The following KDM6B variants were observed in gnomAD, a reference collection of about 807,000 sequenced individuals.
KDM6B encodes lysine-specific demethylase 6B.
KDM6B carries 22 observed loss-of-function variants against 150.4 expected under a neutral mutation model. The observed-to-expected ratio is 0.15, with a 90% CI of 0.10 to 0.21. The LOEUF (loss-of-function observed/expected upper bound fraction) is 0.21, where lower values mean the gene tolerates loss of function less well. Ranked by LOEUF, KDM6B falls within the 10% of genes least tolerant of loss-of-function variation. The pLI is 1.00. For synonymous variants in KDM6B, 1,148 were observed against 921.1 expected (o/e 1.25, Z -4.46); for missense variants, 1,984 against 2,234.3 (o/e 0.89, Z 2.26).
Position 7,853,289 on chromosome 17 carries a change from C to CCCGGCG in KDM6B, c.4821_4826dup (p.Arg1608_Arg1609dup), listed in dbSNP as rs2078740468. 6.2e-7 allele frequency: 1 copy of CCCGGCG among 1,605,546 alleles called. No individual in the cohort carries two copies. The highest frequency in any genetic ancestry group is 1.7e-5 in the Admixed American group (1 of 58,742). ...TACCTGGTACACTGCGAGGGCTGTGCCCGGCGCCGCAGCGCAGGCCTGCAG... is the reference window on the plus strand; with the variant it reads ...TACCTGGTACACTGCGAGGGCTGTGCCCGGCGCCGGCGCCGCAGCGCAGGCCTGCAG... On this transcript the variant is annotated inframe_insertion, in exon 23 of 24. Transcript: ENST00000448097.
rs755750869 is a variant in KDM6B, at chr17:7,850,126, C to T, written c.3622C>T (p.Pro1208Ser). Residue 1208 changes from proline (P) to serine (S), a missense_variant, in exon 14 of 24, where the codon CCT becomes TCT. Physicochemically the swap from Pro to Ser is moderately conservative, Grantham distance 74. Around this residue, in one of 13 missense-constraint regions of KDM6B, gnomAD observed 15 missense variants for 48.7 expected, o/e 0.31. Coordinates refer to ENST00000448097, the MANE Select transcript of KDM6B (RefSeq NM_001348716.2). ...SPVLLQFCTD[P>S]RNPITVIRGL... ...TGTCCTGCTGCAGTTCTGTACAGAC[C>T]CTCGAAATCCCATCACAGTGATCCG... 3.7e-6 allele frequency: 6 copies of T among 1,613,846 alleles called. No homozygotes were observed. The highest frequency in any genetic ancestry group is 1.1e-5 in the South Asian group (1 of 91,082).
chr17:7,842,599 G>T (rs1248590667), intron 2 of KDM6B, among the ~76,000 whole-genome samples: 3 of 152,200 alleles, frequency 2.0e-5, no homozygotes, highest in Non-Finnish European at 4.4e-5. Flanking sequence ...GCGCGAGCTG[G>T]CGGCGACTGG....
In KDM6B at chr17:7,849,097, G is replaced by C. The variant is rs140465920; in HGVS notation, c.2809G>C (p.Asp937His). The C allele has an allele frequency of 3.1e-6, 5 of 1,612,384 alleles. No homozygotes were observed. Among genetic ancestry groups the C allele is most frequent in the Non-Finnish European group, 4.2e-6 (5 of 1,179,878 alleles). ...RVGRSATDPA[D>H]PVDTAEPADS... is the part of the protein sequence containing the mutation. ...GGGCCGGAGTGCCACTGACCCAGCC[G>C]ACCCAGTGGACACAGCAGAGCCAGC... Residue 937 changes from aspartate (D) to histidine (H), a missense_variant, in exon 12 of 24, where the codon GAC becomes CAC. This residue lies in a region of KDM6B where 1,379 missense variants were observed against 1,275.6 expected (regional missense o/e 1.08). Transcript: ENST00000448097.
rs1471965364 is a variant in KDM6B, at chr17:7,849,316, C to T, written c.3028C>T (p.Pro1010Ser). ...EGRAKAKAKV[P>S]KEKSRRVLGN... ...CAGGGCAAAGGCCAAGGCCAAGGTC[C>T]CCAAAGAAAAGAGCCGCCGGGTGCT... The change falls in exon 12 of 24, where the codon CCC becomes TCC. Residue 1010 changes from proline to serine, a missense_variant. Pro to Ser is a moderately conservative substitution (Grantham distance 74). Transcript: ENST00000448097. 2.6e-6 allele frequency: 4 copies of T among 1,564,574 alleles called. No homozygotes were observed. The highest frequency in any genetic ancestry group is 1.2e-5 in the South Asian group (1 of 85,886).
chr17:7,847,288 G>A lies in KDM6B; in HGVS notation c.1093G>A (p.Val365Ile), dbSNP rs2078571754. ...PPGSDLRESR[V>I]QRSRMDSSVS... ...CGGAAGTGACCTTAGAGAGAGCAGA[G>A]TTCAGAGGTCGCGGATGGACTCCAG... is the stretch of plus-strand genomic sequence containing the variant. The change falls in exon 11 of 24, where the codon GTT becomes ATT. Residue 365 changes from valine to isoleucine, a missense_variant. By Grantham distance (29) the Val-to-Ile change is conservative. Coordinates refer to ENST00000448097, the MANE Select transcript of KDM6B (RefSeq NM_001348716.2). The A allele has an allele frequency of 1.2e-6, 2 of 1,605,594 alleles. No homozygotes were observed. Among genetic ancestry groups the A allele is most frequent in the African/African-American group, 1.3e-5 (1 of 74,760 alleles).
chr17:7,846,009 G>C, intron 6 of KDM6B, 39 bp downstream of exon 6: 1 of 1,606,960 alleles, frequency 6.2e-7, no homozygotes, highest in Non-Finnish European at 8.5e-7. Context: ...TGGGAGGTAA[G>C]GCTGGGGCCT....
intron 16 of KDM6B, 38 bp downstream of exon 16, chr17:7,851,432 TC>T (rs780117709): frequency 6.2e-7 from 1 of 1,613,968 alleles, no homozygotes; most frequent in Non-Finnish European, 8.5e-7. Flanking sequence ...CCTGCTTCCT[TC>T]CCCTCCCTCT....
chr17:7,845,597 G>T lies in KDM6B; in HGVS notation c.43G>T (p.Glu15Ter). 1 of 1,614,194 alleles carries T rather than the reference G, an allele frequency of 6.2e-7. No homozygotes were observed. The highest frequency in any genetic ancestry group is 8.5e-7 in the Non-Finnish European group (1 of 1,180,050). The change falls in exon 5 of 24, where the codon GAA becomes TAA. Residue 15 changes from glutamate to a stop codon, truncating the protein, a stop_gained. Transcript: ENST00000448097. LOFTEE classifies it high-confidence loss of function. The stretch of plus-strand genomic sequence containing the variant: ...CCCTCCAGGGGCCCGCGCTGCACGG[G>T]AAGCCTTTGCCCTTGGGGGCCTGAG... ...VDPPGARAAR[E>*]AFALGGLSCA...
chr17:7,849,119 C>G lies in KDM6B; in HGVS notation c.2831C>G (p.Pro944Arg). 1.9e-6 allele frequency: 3 copies of G among 1,612,482 alleles called. No homozygotes were observed. The highest frequency in any genetic ancestry group is 2.5e-6 in the Non-Finnish European group (3 of 1,179,894). Residue 944 changes from proline to arginine, a missense_variant, in exon 12 of 24, where the codon CCA (proline) becomes CGA (arginine). By Grantham distance (103) the Pro-to-Arg change is moderately radical (BLOSUM62 -2). Around this residue, in one of 13 missense-constraint regions of KDM6B, gnomAD observed 1,379 missense variants for 1,275.6 expected, o/e 1.08. Coordinates refer to ENST00000448097, the MANE Select transcript of KDM6B (RefSeq NM_001348716.2). Reference protein sequence around the residue: ...DPADPVDTAEPADSGTERLLP... With the variant: ...DPADPVDTAERADSGTERLLP... ...GCCGACCCAGTGGACACAGCAGAGC[C>G]AGCGGACAGTGGGACTGAGCGACTG...
At position 7,847,814 on chromosome 17, in the gene KDM6B, AG is replaced by A; in HGVS notation, c.1529del (p.Gly510AspfsTer72). On this transcript the variant is annotated frameshift_variant, in exon 12 of 24. Coordinates refer to ENST00000448097, the MANE Select transcript of KDM6B (RefSeq NM_001348716.2). LOFTEE classifies it high-confidence loss of function. ...EILEELFFGT[E>X]GPPRPAPPPL... ...TTAGAAGAGCTCTTCTTTGGGACTG[AG>A]GGACCCCCCCGCCCTGCCCCACCAC... 6.5e-7 allele frequency: 1 copy of A among 1,547,528 alleles called. No individual in the cohort carries two copies. Among genetic ancestry groups the A allele is most frequent in the Non-Finnish European group, 8.7e-7 (1 of 1,146,512 alleles).
At chr17:7,853,170 G>A in intron 22 of KDM6B, 40 bp from the exon 23 acceptor site, 3 of 1,613,964 alleles carry the variant, frequency 1.9e-6, no homozygotes, top group South Asian at 1.1e-5. Flanking sequence ...GTCCACAGTG[G>A]CCCTCCCTCC....
At chr17:7,845,834 C>T (rs769275951) in intron 5 of KDM6B, 38 bp from the exon 6 acceptor site, 2 of 1,599,456 alleles carry the variant, frequency 1.3e-6, no homozygotes, top group South Asian at 1.1e-5. Context: ...CAAGACTGCT[C>T]CTTTTTGCCG....
rs1360441103 is a variant in KDM6B at position 7,849,112 on chromosome 17, G to A, written c.2824G>A (p.Ala942Thr). The part of the protein sequence containing the change: ...ATDPADPVDT[A>T]EPADSGTERL... ...TGACCCAGCCGACCCAGTGGACACA[G>A]CAGAGCCAGCGGACAGTGGGACTGA... The change falls in exon 12 of 24, where the codon GCA (alanine) becomes ACA (threonine). Residue 942 changes from alanine (A) to threonine (T), a missense_variant. Transcript: ENST00000448097. The A allele has an allele frequency of 1.2e-6, 2 of 1,612,230 alleles. No individual in the cohort carries two copies. Among genetic ancestry groups the A allele is most frequent in the Non-Finnish European group, 1.7e-6 (2 of 1,179,902 alleles).
chr17:7,848,442 C>G lies in KDM6B; in HGVS notation c.2154C>G (p.Gly718=), dbSNP rs766690832. ...KEEEQQQHEA[G]VAPQPPLKEP... is the part of the protein sequence containing the mutation. ...AGGAACAGCAACAACACGAAGCAGGCGTGGCCCCCCAACCCCCGCTGAAGG... is the reference window on the plus strand; with the variant it reads ...AGGAACAGCAACAACACGAAGCAGGGGTGGCCCCCCAACCCCCGCTGAAGG... The change falls in exon 12 of 24, where the codon GGC becomes GGG. Residue 718 remains glycine (G), a synonymous_variant. Transcript: ENST00000448097. 1.2e-6 allele frequency: 2 copies of G among 1,612,870 alleles called. No individual in the cohort carries two copies. Among genetic ancestry groups the G allele is most frequent in the South Asian group, 1.1e-5 (1 of 91,084 alleles).
At position 7,844,921 on chromosome 17, in the gene KDM6B, A is replaced by T. The variant is rs1420236312; in HGVS notation, c.-248A>T. 1 of 165,782 alleles carries T rather than the reference A, an allele frequency of 6.0e-6. No individual in the cohort carries two copies. The highest frequency in any genetic ancestry group is 1.3e-5 in the Non-Finnish European group (1 of 74,210). The allele number at this position is 165,782 out of a possible 1,614,324, so 10.3% of individuals were successfully genotyped here. A position where few individuals can be genotyped will look rare whatever the true frequency, so the allele number is the denominator to read the frequency against. On this transcript the variant is annotated 5_prime_UTR_variant, in exon 3 of 24. Transcript: ENST00000448097. The surrounding 1 kb of genome is among the most constrained non-coding windows in gnomAD (Gnocchi z 5.9). ...GCCAGGCTGTTACTGAGGCGGAGACACGGGTGATGATTGGCTTTCTGGGGA... is the reference window on the plus strand; with the variant it reads ...GCCAGGCTGTTACTGAGGCGGAGACTCGGGTGATGATTGGCTTTCTGGGGA...
At position 7,853,397 on chromosome 17, in the gene KDM6B, C is replaced by A; in HGVS notation, c.4908+17C>A. 5.9e-6 allele frequency: 9 copies of A among 1,537,168 alleles called. No individual in the cohort carries two copies. Among genetic ancestry groups the A allele is most frequent in the Non-Finnish European group, 7.8e-6 (9 of 1,146,666 alleles). ...TTCACGCTGGTGAGGGCCCGGCGGG[C>A]GCGCGGGCAGCGGAGGAGGGCACTG... On this transcript the variant is annotated intron_variant, in intron 23 of 23. Coordinates refer to ENST00000448097, the MANE Select transcript of KDM6B (RefSeq NM_001348716.2).
rs534591239 is a variant in KDM6B, at chr17:7,848,206, G to A, written c.1918G>A (p.Val640Met). 2 of 1,610,974 alleles carry A rather than the reference G, an allele frequency of 1.2e-6. No individual in the cohort carries two copies. The highest frequency in any genetic ancestry group is 1.3e-5 in the African/African-American group (1 of 74,806). The change falls in exon 12 of 24, where the codon GTG (valine) becomes ATG (methionine). Residue 640 changes from valine to methionine, a missense_variant. By Grantham distance (21) the Val-to-Met change is conservative. Around this residue, in one of 13 missense-constraint regions of KDM6B, gnomAD observed 1,379 missense variants for 1,275.6 expected, o/e 1.08. Coordinates refer to ENST00000448097, the MANE Select transcript of KDM6B (RefSeq NM_001348716.2). ...GGTCTCCTTCCCAAAGACCCCCGAG[G>A]TGGGGCCGGGGCCACCCCCAGGCCC... The part of the protein sequence containing the change: ...PRVSFPKTPE[V>M]GPGPPPGPLS...
In KDM6B at chr17:7,847,019, G is replaced by T; in HGVS notation, c.909+3G>T. ...GTTCAGCACCCCCAGAGCGCCAGGT[G>T]AGCCCCTGCCTGTTGCCTTTCACCT... On this transcript the variant is annotated splice_donor_region_variant and intron_variant, in intron 10 of 23. Transcript: ENST00000448097. 2.5e-6 allele frequency: 4 copies of T among 1,613,452 alleles called. No individual in the cohort carries two copies. The highest frequency in any genetic ancestry group is 2.5e-6 in the Non-Finnish European group (3 of 1,179,752).
chr17:7,852,777 C>T (rs1422914373), intron 21 of KDM6B, 141 bp downstream of exon 21: 2 of 1,343,334 alleles, frequency 1.5e-6, no homozygotes, highest in South Asian at 1.2e-5. Context: ...GGGAGGCTAA[C>T]TAGGTCCTTG....
Sources: allele counts gnomAD v4.1 joint callset (sites outside exome capture counted in the v4.1 genomes callset), GRCh38; gene constraint gnomAD v4.1.1; regional missense constraint gnomAD v4.1.1; non-coding constraint Gnocchi (gnomAD v3.1); transcripts MANE v1.5; gene names NCBI Gene and HGNC (gene_info 2026-07-23, HGNC 2026-07-21).